The following MFSD6 variants were observed in gnomAD, a reference collection of about 807,000 sequenced individuals.
MFSD6 encodes the protein major facilitator superfamily domain containing 6.
A neutral mutation model predicts 56.3 loss-of-function variants in MFSD6; 26 were observed. The observed-to-expected ratio is 0.46, with a 90% confidence interval of 0.34 to 0.64. The LOEUF (loss-of-function observed/expected upper bound fraction) is 0.64. MFSD6 is among the 30% of genes least tolerant of loss of function. The pLI is 0.01. For missense variants in MFSD6, 750 were observed against 986.2 expected, an observed-to-expected ratio of 0.76 and a Z score of 3.21; for synonymous variants, 331 against 366.9, an observed-to-expected ratio of 0.90 and a Z score of 1.12.
chr2:190,482,264 G>T (rs769083030), intron 4 of MFSD6, among the ~76,000 whole-genome samples: 4 of 152,116 alleles, frequency 2.6e-5, no homozygotes, highest in African/African-American at 7.2e-5. Context: ...AGCAAGAAAA[G>T]AAAACATTTA....
chr2:190,463,290 T>A lies in MFSD6; in HGVS notation c.1533-6468T>A, dbSNP rs1212916145. 6.6e-6 allele frequency among the ~76,000 whole-genome samples: 1 copy of A among 152,194 alleles called. No individual in the cohort carries two copies. Among genetic ancestry groups the A allele is most frequent in the African/African-American group, 2.4e-5 (1 of 41,430 alleles). On this transcript the variant is annotated intron_variant, in intron 3 of 7. Transcript: ENST00000392328. The surrounding 1 kb of genome is among the most constrained non-coding windows in gnomAD (Gnocchi z 4.4). ...AGAGTTTGGATATATATTTTCTTAC[T>A]CTCTTAAACTGACAATAGAGAACAT...
rs1002148797 is a variant in MFSD6, at chr2:190,412,007, A to G, written c.-175-3285A>G. 3.0e-6 allele frequency: 3 copies of G among 985,276 alleles called. No individual in the cohort carries two copies. The African/African-American group carries it at 5.2e-5, about 17-fold the overall frequency. The allele number at this position is 985,276 out of a possible 1,614,324, so 61.0% of individuals were successfully genotyped here. On this transcript the variant is annotated intron_variant, in intron 1 of 7. Coordinates refer to ENST00000392328, the MANE Select transcript of MFSD6 (RefSeq NM_017694.4). This position sits in a 1 kb window ranked among gnomAD's most constrained non-coding sequence, Gnocchi z 4.1. ...ACCTGCTGTGTCATCTCATGAAATT[A>G]TGGCATTCTGGATGACTTTAGGTAT...
intron 2 of MFSD6, among the ~76,000 whole-genome samples, chr2:190,420,645 A>C (rs963464048): frequency 6.6e-6 from 1 of 152,242 alleles, no homozygotes; most frequent in Non-Finnish European, 1.5e-5. Flanking sequence ...CAAATTAAAT[A>C]TAATCCACTT....
In MFSD6 at chr2:190,462,639, A is replaced by G. The variant is rs1322488082; in HGVS notation, c.1533-7119A>G. ...CTCTAATGGAAACAAAGAGTGTAGCAGAGGAACAGCGGGGGACAGGAGGAC... is the reference window on the plus strand; with the variant it reads ...CTCTAATGGAAACAAAGAGTGTAGCGGAGGAACAGCGGGGGACAGGAGGAC... On this transcript the variant is annotated intron_variant, in intron 3 of 7. Coordinates refer to ENST00000392328, the MANE Select transcript of MFSD6 (RefSeq NM_017694.4). This position sits in a 1 kb window ranked among gnomAD's most constrained non-coding sequence, Gnocchi z 5.7. 6.6e-6 allele frequency among the ~76,000 whole-genome samples: 1 copy of G among 152,112 alleles called. No homozygotes were observed. The highest frequency in any genetic ancestry group is 2.4e-5 in the African/African-American group (1 of 41,420).
chr2:190,437,051 C>T lies in MFSD6; in HGVS notation c.1022C>T (p.Ser341Phe). 1 of 1,614,212 alleles carries T rather than the reference C, an allele frequency of 6.2e-7. No homozygotes were observed. The highest frequency in any genetic ancestry group is 8.5e-7 in the Non-Finnish European group (1 of 1,180,052). Residue 341 changes from serine (S) to phenylalanine (F), a missense_variant, in exon 3 of 8, where the codon TCT becomes TTT. Ser to Phe is a radical substitution (Grantham distance 155). Around this residue, in one of 5 missense-constraint regions of MFSD6, gnomAD observed 376 missense variants for 437.9 expected, o/e 0.86. Transcript: ENST00000392328. The surrounding 1 kb of genome is among the most constrained non-coding windows in gnomAD (Gnocchi z 5.9). The part of the protein sequence containing the change: ...GSLGWGLAML[S>F]VGIGIDYTHI... Reference sequence around the variant, plus strand: ...CTGGGCTGGGGCCTGGCGATGCTGTCTGTGGGCATCGGGATCGACTACACC... The same window carrying T: ...CTGGGCTGGGGCCTGGCGATGCTGTTTGTGGGCATCGGGATCGACTACACC...
At chr2:190,440,802 T>C (rs1441034968) in intron 3 of MFSD6, among the ~76,000 whole-genome samples, 1 of 152,202 alleles carries the variant, frequency 6.6e-6, no homozygotes, top group Non-Finnish European at 1.5e-5. Flanking sequence ...AATTACTACT[T>C]AATATTAGCA....
At position 190,488,569 on chromosome 2, in the gene MFSD6, G is replaced by A; in HGVS notation, c.1631-88G>A. 3.5e-6 allele frequency: 4 copies of A among 1,158,292 alleles called. No individual in the cohort carries two copies. Among genetic ancestry groups the A allele is most frequent in the Non-Finnish European group, 4.6e-6 (4 of 868,560 alleles). 71.8% of individuals were successfully genotyped at this position (1,158,292 alleles called of 1,614,324 possible). On this transcript the variant is annotated intron_variant, in intron 4 of 7. Transcript: ENST00000392328. The surrounding 1 kb of genome is among the most constrained non-coding windows in gnomAD (Gnocchi z 6.4). Reference sequence around the variant, plus strand: ...TTTCCCACAACAAATCTTAAAAATAGGTGCCTAGTTAAATAATTCACATTT... The same window carrying A: ...TTTCCCACAACAAATCTTAAAAATAAGTGCCTAGTTAAATAATTCACATTT...
rs190553148 is a variant in MFSD6 at position 190,438,061 on chromosome 2, G to A, written c.1532+500G>A. On this transcript the variant is annotated intron_variant, in intron 3 of 7. Transcript: ENST00000392328. This position sits in a 1 kb window ranked among gnomAD's most constrained non-coding sequence, Gnocchi z 5.2. ...TAATAAGACTGTGATGTAACCCACC[G>A]TAATCCCTAATTCCATGATATTACA... Among the ~76,000 whole-genome samples, 471 of 152,250 alleles carry A rather than the reference G, an allele frequency of 3.1e-3. 1 individual carries two copies. The highest frequency in any genetic ancestry group is 0.01 in the African/African-American group (418 of 41,536).
intron 2 of MFSD6, among the ~76,000 whole-genome samples, chr2:190,421,287 C>T (rs577532901): frequency 8.5e-5 from 13 of 152,186 alleles, no homozygotes; most frequent in Non-Finnish European, 1.5e-4. Context: ...TTAAAGTTCA[C>T]TCTAAGGCCC....
intron 3 of MFSD6, among the ~76,000 whole-genome samples, chr2:190,453,413 G>A (rs192012723): frequency 3.9e-5 from 6 of 152,286 alleles, no homozygotes; most frequent in Non-Finnish European, 7.4e-5. Context: ...AGTTGGAGAT[G>A]TCTTTCAGAA....
At chr2:190,445,058 G>A (rs944576638) in intron 3 of MFSD6, 1 of 159,784 alleles carries the variant, frequency 6.3e-6, no homozygotes, top group Non-Finnish European at 1.3e-5. Context: ...TTGGTGTTAA[G>A]TGAGGCCCTT....
rs577389305 is a variant in MFSD6 at position 190,413,344 on chromosome 2, C to A, written c.-175-1948C>A. Among the ~76,000 whole-genome samples, 93 of 152,134 alleles carry A rather than the reference C, an allele frequency of 6.1e-4. No individual in the cohort carries two copies. The highest frequency in any genetic ancestry group is 4.2e-3 in the South Asian group (20 of 4,814). ...GGAAGAAATTCAGACCCTTAAAAAA[C>A]CATGTTCAAGAGATGTGGAAAAAAA... On this transcript the variant is annotated intron_variant, in intron 1 of 7. Transcript: ENST00000392328. The surrounding 1 kb of genome is among the most constrained non-coding windows in gnomAD (Gnocchi z 4.1).
chr2:190,409,390 C>G (rs1690459977), intron 1 of MFSD6, among the ~76,000 whole-genome samples: 1 of 152,266 alleles, frequency 6.6e-6, no homozygotes, highest in Admixed American at 6.5e-5. Context: ...AAGCACCTCA[C>G]AGAACTACTG....
intron 6 of MFSD6, among the ~76,000 whole-genome samples, chr2:190,493,698 T>C (rs1444600084): frequency 6.6e-5 from 10 of 152,146 alleles, no homozygotes; most frequent in Non-Finnish European, 1.5e-5. Context: ...GGAATAAAAC[T>C]GGAAATCAAC....
intron 4 of MFSD6, among the ~76,000 whole-genome samples, chr2:190,486,153 A>G (rs1378583792): frequency 2.0e-5 from 3 of 152,270 alleles, no homozygotes; most frequent in African/African-American, 7.2e-5. Context: ...CCTACGGCTA[A>G]TTATTTCATA....
At chr2:190,472,314 A>T (rs567053888) in intron 4 of MFSD6, among the ~76,000 whole-genome samples, 4 of 152,334 alleles carry the variant, frequency 2.6e-5, no homozygotes, top group African/African-American at 9.6e-5. Context: ...GTTCAAACCC[A>T]TGGCAAAGAA....
rs1690653710 is a variant in MFSD6, at chr2:190,413,538, A to G, written c.-175-1754A>G. Reference sequence around the variant, plus strand: ...ATTTTGATCTGAGACCAAGAGTGGGATGGGGGAAAGACAGGGAAAGACAGG... The same window carrying G: ...ATTTTGATCTGAGACCAAGAGTGGGGTGGGGGAAAGACAGGGAAAGACAGG... On this transcript the variant is annotated intron_variant, in intron 1 of 7. Coordinates refer to ENST00000392328, the MANE Select transcript of MFSD6 (RefSeq NM_017694.4). This position sits in a 1 kb window ranked among gnomAD's most constrained non-coding sequence, Gnocchi z 4.1. Among the ~76,000 whole-genome samples the G allele has an allele frequency of 6.6e-6, 1 of 151,944 alleles. No individual in the cohort carries two copies. Among genetic ancestry groups the G allele is most frequent in the South Asian group, 2.1e-4 (1 of 4,820 alleles).
At chr2:190,455,447 C>T (rs1383137237) in intron 3 of MFSD6, among the ~76,000 whole-genome samples, 1 of 152,160 alleles carries the variant, frequency 6.6e-6, no homozygotes, top group Admixed American at 6.5e-5. Context: ...GGGGGAGGCT[C>T]TGCTGGCCAT....
rs186458429 is a variant in MFSD6 at position 190,463,604 on chromosome 2, T to G, written c.1533-6154T>G. ...GGGAGGCTGAGATAGGAGGATTGCT[T>G]GAGCCCAGGAGTTCATGACCAGCCT... On this transcript the variant is annotated intron_variant, in intron 3 of 7. Transcript: ENST00000392328. This position sits in a 1 kb window ranked among gnomAD's most constrained non-coding sequence, Gnocchi z 4.4. 8.9e-4 allele frequency among the ~76,000 whole-genome samples: 135 copies of G among 152,312 alleles called. 1 individual carries two copies. Among genetic ancestry groups the G allele is most frequent in the Middle Eastern group, 6.8e-3 (2 of 294 alleles).
Sources: gnomAD v4.1 joint callset for allele counts (sites outside exome capture counted in the v4.1 genomes callset) on GRCh38, gnomAD v4.1.1 for gene constraint, gnomAD v4.1.1 regional missense constraint, Gnocchi (gnomAD v3.1) non-coding constraint, MANE v1.5 for transcripts, NCBI Gene and HGNC (gene_info 2026-07-23, HGNC 2026-07-21) for gene names.